VTN: variants seen among roughly 807,000 people sequenced by gnomAD.
The protein encoded by VTN is complement S-protein.
VTN carries 45 observed loss-of-function variants against 55.9 expected under a neutral mutation model. The ratio of observed to expected loss-of-function variants is 0.80; its 90% CI spans 0.63 to 1.03. The LOEUF (loss-of-function observed/expected upper bound fraction) is 1.03. Ranked by LOEUF, VTN falls within the 50% of genes least tolerant of loss-of-function variation. The probability of loss-of-function intolerance (pLI) is 0.00; values close to 1 mark genes in which losing one functional copy is unlikely to be tolerated. For synonymous variants in VTN, 238 were observed against 242.3 expected (o/e 0.98, Z 0.17); for missense variants, 589 against 638.2 (o/e 0.92, Z 0.83).
Position 28,367,973 on chromosome 17 carries a change from T to C in VTN, c.1066A>G (p.Ile356Val), listed in dbSNP as rs1555583302. The change falls in exon 7 of 8, where the codon ATC becomes GTC. Residue 356 changes from isoleucine (I) to valine (V), a missense_variant. Physicochemically the swap from Ile to Val is conservative, Grantham distance 29. Transcript: ENST00000226218. ...VDAAMAGRIY[I>V]SGMAPRPSLA... Reference sequence around the variant, plus strand: ...GAGGGGCGGGGTGCCATGCCTGAGATGTAGATGCGGCCAGCCATGGCTGCG... The same window carrying C: ...GAGGGGCGGGGTGCCATGCCTGAGACGTAGATGCGGCCAGCCATGGCTGCG... 6.3e-7 allele frequency: 1 copy of C among 1,597,600 alleles called. No homozygotes were observed. Among genetic ancestry groups the C allele is most frequent in the East Asian group, 2.3e-5 (1 of 44,196 alleles).
intron 6 of VTN, 31 bp downstream of exon 6, chr17:28,368,490 G>A: frequency 1.2e-6 from 2 of 1,610,466 alleles, no homozygotes; most frequent in Non-Finnish European, 8.5e-7. Context: ...GCCCTTTTGA[G>A]GGAGAAGCAA....
chr17:28,368,771 G>A lies in VTN; in HGVS notation c.827-98C>T. On this transcript the variant is annotated intron_variant, in intron 5 of 7. Transcript: ENST00000226218. ...TTAGGATCTCCCAGCATGAGGTGGG[G>A]GTCAGGGGTGGGCACATGCTGAGGC... The A allele has an allele frequency of 2.5e-6, 4 of 1,609,778 alleles. No homozygotes were observed. In the South Asian group the frequency reaches 4.4e-5, roughly 18 times the overall value.
At chr17:28,367,518 G>GC in intron 7 of VTN, 37 bp from the exon 8 acceptor site, 1 of 1,562,138 alleles carries the variant, frequency 6.4e-7, no homozygotes, top group Non-Finnish European at 8.8e-7. Flanking sequence ...GTGAGGCCCA[G>GC]CCTGGCCCTG....
chr17:28,369,392 C>T lies in VTN; in HGVS notation c.566G>A (p.Arg189Lys). 6.2e-7 allele frequency: 1 copy of T among 1,603,910 alleles called. No homozygotes were observed. The change falls in exon 4 of 8, where the codon AGG becomes AAG. Residue 189 changes from arginine to lysine, a missense_variant. Arg to Lys is a conservative substitution (Grantham distance 26). This residue lies in a region of VTN where 217 missense variants were observed against 241.3 expected (regional missense o/e 0.90). Transcript: ENST00000226218. The surrounding 1 kb of genome is among the most constrained non-coding windows in gnomAD (Gnocchi z 5.3). Reference sequence around the variant, plus strand: ...TCGGATGAGCTTGGGGTACCCAGGCCTCACTGCCTTTTCGTCCAGTTCATA... The same window carrying T: ...TCGGATGAGCTTGGGGTACCCAGGCTTCACTGCCTTTTCGTCCAGTTCATA... ...YCYELDEKAV[R>K]PGYPKLIRDV... is the part of the protein sequence containing the mutation.
Position 28,370,002 on chromosome 17 carries a change from TC to T in VTN, c.108del (p.Lys37SerfsTer26). On this transcript the variant is annotated frameshift_variant, in exon 2 of 8. Coordinates refer to ENST00000226218, the MANE Select transcript of VTN (RefSeq NM_000638.4). LOFTEE classifies it high-confidence loss of function. Reference sequence around the variant, plus strand: ...GAGCAGAGCTCGTCACACTGGCACTTCTTGTCCACGTTGAAGCCCTCAGTGC... The same window carrying T: ...GAGCAGAGCTCGTCACACTGGCACTTTTGTCCACGTTGAAGCCCTCAGTGC... ...GRCTEGFNVD[K>X]KCQCDELCSY... 1 of 1,614,082 alleles carries T rather than the reference TC, an allele frequency of 6.2e-7. No individual in the cohort carries two copies. The highest frequency in any genetic ancestry group is 1.1e-5 in the South Asian group (1 of 91,084).
rs782613309 is a variant in VTN, at chr17:28,368,624, C to A, written c.876G>T (p.Glu292Asp). ...CAGCCGACAGGGAGCTGCCTTCACA[C>A]TCCTCCTGACTGGGCTGGTGCTGGA... is the stretch of plus-strand genomic sequence containing the variant. ...YQFQHQPSQE[E>D]CEGSSLSAVF... is the part of the protein sequence containing the mutation. The change falls in exon 6 of 8, where the codon GAG becomes GAT. Residue 292 changes from glutamate (E) to aspartate (D), a missense_variant. By Grantham distance (45) the Glu-to-Asp change is conservative. Transcript: ENST00000226218. The A allele has an allele frequency of 1.2e-6, 2 of 1,613,870 alleles. No individual in the cohort carries two copies. Among genetic ancestry groups the A allele is most frequent in the East Asian group, 2.2e-5 (1 of 44,894 alleles).
Position 28,368,607 on chromosome 17 carries a change from A to G in VTN, c.893T>C (p.Leu298Pro), listed in dbSNP as rs782508987. 6.2e-6 allele frequency: 10 copies of G among 1,613,900 alleles called. No individual in the cohort carries two copies. In the Admixed American group the frequency reaches 1.5e-4, roughly 24 times the overall value. Residue 298 changes from leucine (L) to proline (P), a missense_variant, in exon 6 of 8, where the codon CTG (leucine) becomes CCG (proline). Around this residue, in one of 3 missense-constraint regions of VTN, gnomAD observed 334 missense variants for 328.2 expected, o/e 1.02. Coordinates refer to ENST00000226218, the MANE Select transcript of VTN (RefSeq NM_000638.4). Reference sequence around the variant, plus strand: ...GGCAAAGTGTTCAAACACAGCCGACAGGGAGCTGCCTTCACACTCCTCCTG... The same window carrying G: ...GGCAAAGTGTTCAAACACAGCCGACGGGGAGCTGCCTTCACACTCCTCCTG... The part of the protein sequence containing the change: ...PSQEECEGSS[L>P]SAVFEHFAMM...
Position 28,369,736 on chromosome 17 carries a change from A to G in VTN, c.300T>C (p.Ser100=). The G allele has an allele frequency of 6.2e-7, 1 of 1,613,942 alleles. No homozygotes were observed. Among genetic ancestry groups the G allele is most frequent in the Non-Finnish European group, 8.5e-7 (1 of 1,180,024 alleles). ...HEQVGGPSLT[S]DLQAQSKGNP... ...TCCCTTTGGACTGGGCCTGGAGGTC[A>G]GAGGTCAGGGAGGGGCCCCCCACCT... Residue 100 remains serine, a synonymous_variant, in exon 3 of 8, where the codon TCT becomes TCC. Coordinates refer to ENST00000226218, the MANE Select transcript of VTN (RefSeq NM_000638.4). This position sits in a 1 kb window ranked among gnomAD's most constrained non-coding sequence, Gnocchi z 5.3.
In VTN at chr17:28,367,763, C is replaced by G; in HGVS notation, c.1276G>C (p.Val426Leu). ...NYDDYRMDWL[V>L]PATCEPIQSV... The stretch of plus-strand genomic sequence containing the variant: ...TGGATGGGTTCACAGGTGGCAGGCA[C>G]AAGCCAGTCCATCCTGTAGTCATCA... The change falls in exon 7 of 8, where the codon GTG becomes CTG. Residue 426 changes from valine to leucine, a missense_variant. Val to Leu is a conservative substitution (Grantham distance 32). Transcript: ENST00000226218. 1 of 1,602,342 alleles carries G rather than the reference C, an allele frequency of 6.2e-7. No homozygotes were observed. Among genetic ancestry groups the G allele is most frequent in the Non-Finnish European group, 8.5e-7 (1 of 1,175,770 alleles).
chr17:28,367,407 G>T lies in VTN; in HGVS notation c.1399C>A (p.Gln467Lys). Residue 467 changes from glutamine (Q) to lysine (K), a missense_variant, in exon 8 of 8, where the codon CAG (glutamine) becomes AAG (lysine). Physicochemically the swap from Gln to Lys is moderately conservative, Grantham distance 53. This residue lies in a region of VTN where 334 missense variants were observed against 328.2 expected (regional missense o/e 1.02). Transcript: ENST00000226218. ...GGAGCTGGGCAGCCCAGCCAGTACTGAGCGATGGAGCGTGGGTAGGGAGGG... is the reference window on the plus strand; with the variant it reads ...GGAGCTGGGCAGCCCAGCCAGTACTTAGCGATGGAGCGTGGGTAGGGAGGG... ...VDPPYPRSIA[Q>K]YWLGCPAPGH... 1 of 1,612,166 alleles carries T rather than the reference G, an allele frequency of 6.2e-7. No individual in the cohort carries two copies. Among genetic ancestry groups the T allele is most frequent in the South Asian group, 1.1e-5 (1 of 90,748 alleles).
At position 28,368,541 on chromosome 17, in the gene VTN, A is replaced by G. The variant is rs2067926129; in HGVS notation, c.959T>C (p.Leu320Pro). ...CATACCAGAGGTTCTGCCCCAGAAG[A>G]GAAGCTCGAAGATGTCCTCCCAGCT... Reference protein sequence around the residue: ...RDSWEDIFELLFWGRTSAGTR... With the variant: ...RDSWEDIFELPFWGRTSAGTR... Residue 320 changes from leucine (L) to proline (P), a missense_variant, in exon 6 of 8, where the codon CTC becomes CCC. This residue lies in a region of VTN where 334 missense variants were observed against 328.2 expected (regional missense o/e 1.02). Coordinates refer to ENST00000226218, the MANE Select transcript of VTN (RefSeq NM_000638.4). 2 of 1,614,002 alleles carry G rather than the reference A, an allele frequency of 1.2e-6. No individual in the cohort carries two copies. The highest frequency in any genetic ancestry group is 1.7e-6 in the Non-Finnish European group (2 of 1,180,020).
At chr17:28,367,561 C>G in intron 7 of VTN, 80 bp from the exon 8 acceptor site, 1 of 1,445,088 alleles carries the variant, frequency 6.9e-7, no homozygotes. Flanking sequence ...TAGGGTCTCT[C>G]CCAGAAGGGA....
At position 28,367,702 on chromosome 17, in the gene VTN, C is replaced by A; in HGVS notation, c.1324+13G>T. On this transcript the variant is annotated intron_variant, in intron 7 of 7. Transcript: ENST00000226218. ...CAAGCTAGACCAGCTTCAGGGGTGG[C>A]AGCGGCTCCTACCTCCAGAGAAGAA... 6.2e-7 allele frequency: 1 copy of A among 1,602,782 alleles called. No individual in the cohort carries two copies. Among genetic ancestry groups the A allele is most frequent in the Non-Finnish European group, 8.5e-7 (1 of 1,172,640 alleles).
At chr17:28,368,763 G>A (rs1328804526) in intron 5 of VTN, 90 bp from the exon 6 acceptor site, 2 of 1,608,514 alleles carry the variant, frequency 1.2e-6, no homozygotes, top group East Asian at 2.2e-5. Flanking sequence ...CTCCCAGCAT[G>A]AGGTGGGGGT....
In VTN at chr17:28,369,509, C is replaced by T. The variant is rs782023049; in HGVS notation, c.527G>A (p.Arg176Gln). ...DLKNGSLFAF[R>Q]GQYCYELDEK... ...CCCAGTACCTGCCCTGGATTCACCT[C>T]GGAAGGCAAAGAGGGAACCGTTCTT... Residue 176 changes from arginine (R) to glutamine (Q), a missense_variant and splice_region_variant, in exon 3 of 8, where the codon CGA (arginine) becomes CAA (glutamine). Physicochemically the swap from Arg to Gln is conservative, Grantham distance 43. This residue lies in a region of VTN where 217 missense variants were observed against 241.3 expected (regional missense o/e 0.90). Coordinates refer to ENST00000226218, the MANE Select transcript of VTN (RefSeq NM_000638.4). The surrounding 1 kb of genome is among the most constrained non-coding windows in gnomAD (Gnocchi z 5.3). The T allele has an allele frequency of 1.5e-5, 24 of 1,602,532 alleles. No individual in the cohort carries two copies. Among genetic ancestry groups the T allele is most frequent in the Admixed American group, 3.4e-5 (2 of 59,388 alleles).
At position 28,367,372 on chromosome 17, in the gene VTN, CAG is replaced by C; in HGVS notation, c.1432_1433del (p.Leu478ValfsTer24). 1.3e-6 allele frequency: 2 copies of C among 1,588,438 alleles called. No individual in the cohort carries two copies. The highest frequency in any genetic ancestry group is 1.9e-5 in the Admixed American group (1 of 53,528). On this transcript the variant is annotated frameshift_variant, in exon 8 of 8. Transcript: ENST00000226218. LOFTEE classifies it high-confidence loss of function. ...YWLGCPAPGHL is the reference protein window; with the variant it reads ...YWLGCPAPGHX ...CCGGCCATGTGGGCTCTGACTCCTACAGATGGCCAGGAGCTGGGCAGCCCAGC... is the reference window on the plus strand; with the variant it reads ...CCGGCCATGTGGGCTCTGACTCCTACATGGCCAGGAGCTGGGCAGCCCAGC...
chr17:28,369,693 C>G lies in VTN; in HGVS notation c.343G>C (p.Val115Leu), dbSNP rs1555583674. ...GGGGCCTCTTCCTCAGGTTTCAGAA[C>G]AGGTGTCTGCTCAGGATTCCCTTTG... The part of the protein sequence containing the change: ...QSKGNPEQTP[V>L]LKPEEEAPAP... The change falls in exon 3 of 8, where the codon GTT becomes CTT. Residue 115 changes from valine to leucine, a missense_variant. Val to Leu is a conservative substitution (Grantham distance 32, BLOSUM62 1). Coordinates refer to ENST00000226218, the MANE Select transcript of VTN (RefSeq NM_000638.4). This position sits in a 1 kb window ranked among gnomAD's most constrained non-coding sequence, Gnocchi z 5.3. The G allele has an allele frequency of 1.9e-6, 3 of 1,613,832 alleles. No homozygotes were observed. The highest frequency in any genetic ancestry group is 1.1e-5 in the South Asian group (1 of 91,074).
Position 28,369,367 on chromosome 17 carries a change from T to G in VTN, c.591A>C (p.Arg197=), listed in dbSNP as rs1372494002. Residue 197 remains arginine (R), a synonymous_variant, in exon 4 of 8, where the codon CGA becomes CGC. Coordinates refer to ENST00000226218, the MANE Select transcript of VTN (RefSeq NM_000638.4). The surrounding 1 kb of genome is among the most constrained non-coding windows in gnomAD (Gnocchi z 5.3). ...AVRPGYPKLI[R]DVWGIEGPID... is the part of the protein sequence containing the mutation. ...TGGGGCCCTCGATGCCCCAGACATC[T>G]CGGATGAGCTTGGGGTACCCAGGCC... 1.2e-6 allele frequency: 2 copies of G among 1,607,330 alleles called. No individual in the cohort carries two copies. Among genetic ancestry groups the G allele is most frequent in the Non-Finnish European group, 1.7e-6 (2 of 1,174,882 alleles).
In VTN at chr17:28,369,427, C is replaced by A; in HGVS notation, c.531G>T (p.Gly177=). 1 of 1,593,020 alleles carries A rather than the reference C, an allele frequency of 6.3e-7. No individual in the cohort carries two copies. The highest frequency in any genetic ancestry group is 8.6e-7 in the Non-Finnish European group (1 of 1,166,366). ...LKNGSLFAFR[G]QYCYELDEKA... is the part of the protein sequence containing the mutation. ...TTTCGTCCAGTTCATAGCAGTACTG[C>A]CCTAGAGTGGAGGAGATGGTGTGAG... Residue 177 remains glycine, a splice_region_variant and synonymous_variant, in exon 4 of 8, where the codon GGG becomes GGT. Coordinates refer to ENST00000226218, the MANE Select transcript of VTN (RefSeq NM_000638.4). The surrounding 1 kb of genome is among the most constrained non-coding windows in gnomAD (Gnocchi z 5.3).
Sources: gnomAD v4.1 joint callset for allele counts on GRCh38, gnomAD v4.1.1 for gene constraint, gnomAD v4.1.1 regional missense constraint, Gnocchi (gnomAD v3.1) non-coding constraint, MANE v1.5 for transcripts, NCBI Gene and HGNC (gene_info 2026-07-23, HGNC 2026-07-21) for gene names.